Variants in TRIM65 observed in about 807,000 individuals in gnomAD.
TRIM65 encodes tripartite motif containing 65.
In TRIM65, 46 loss-of-function variants were observed where a neutral mutation model predicts 36.1. The observed-to-expected ratio is 1.27, with a 90% CI of 1.01 to 1.63. The LOEUF is 1.63. TRIM65 is among the 40% of genes most tolerant of loss of function. TRIM65 has a pLI of 0.00. For missense variants in TRIM65, 708 were observed against 696.6 expected (o/e 1.02, Z -0.18); for synonymous variants, 346 against 313.6 (o/e 1.10, Z -1.09).
Position 75,892,753 on chromosome 17 carries a change from A to G in TRIM65, c.510+2T>C. The G allele has an allele frequency of 6.2e-7, 1 of 1,602,980 alleles. No homozygotes were observed. Among genetic ancestry groups the G allele is most frequent in the Non-Finnish European group, 8.5e-7 (1 of 1,179,664 alleles). ...GTGGGCGGGCAGGCACAGGCCTCGT[A>G]CCTGGATCTGGCTGCTTTGCTTGCG... On this transcript the variant is annotated splice_donor_variant, in intron 2 of 5. Coordinates refer to ENST00000269383, the MANE Select transcript of TRIM65 (RefSeq NM_173547.4). LOFTEE classifies it high-confidence loss of function.
chr17:75,880,027 T>C (rs1422037523), downstream of TRIM65, among the ~76,000 whole-genome samples: 1 of 150,964 alleles, frequency 6.6e-6, no homozygotes, highest in Non-Finnish European at 1.5e-5. Flanking sequence ...GTGCTGGGAT[T>C]ACAGACATGA....
intron 1 of TRIM65, among the ~76,000 whole-genome samples, chr17:75,895,930 G>A (rs1239750370): frequency 6.6e-6 from 1 of 152,174 alleles, no homozygotes; most frequent in Admixed American, 6.5e-5. Context: ...GCTTGGGCAC[G>A]GAGCAGGGAG....
Position 75,892,052 on chromosome 17 carries a change from T to A in TRIM65, c.878A>T (p.His293Leu). ...LCGLLLEEGS[H>L]PGAPAKPVDL... ...CACAGGCTTGGCTGGTGCCCCAGGG[T>A]GGCTCCCCTCTTCCAAGAGGAGGCC... Residue 293 changes from histidine (H) to leucine (L), a missense_variant, in exon 4 of 6, where the codon CAC (histidine) becomes CTC (leucine). Transcript: ENST00000269383. The A allele has an allele frequency of 6.5e-7, 1 of 1,545,228 alleles. No individual in the cohort carries two copies. Among genetic ancestry groups the A allele is most frequent in the East Asian group, 2.4e-5 (1 of 40,906 alleles).
At chr17:75,891,472 G>A (rs562877228) in intron 5 of TRIM65, 125 bp from the exon 6 acceptor site, 44 of 1,036,484 alleles carry the variant, frequency 4.2e-5, no homozygotes, top group South Asian at 3.6e-4. Flanking sequence ...CTTAATCCTC[G>A]CCACGACCTC....
intron 4 of TRIM65, among the ~76,000 whole-genome samples, chr17:75,881,943 T>C (rs1460775130): frequency 1.3e-5 from 2 of 150,266 alleles, no homozygotes; most frequent in Non-Finnish European, 2.9e-5. Flanking sequence ...TGATCAGGAC[T>C]ATCACTTGTT....
Position 75,892,860 on chromosome 17 carries a change from G to C in TRIM65, c.415-10C>G, listed in dbSNP as rs549448381. 1 of 1,599,256 alleles carries C rather than the reference G, an allele frequency of 6.3e-7. No individual in the cohort carries two copies. The highest frequency in any genetic ancestry group is 1.3e-5 in the African/African-American group (1 of 75,018). On this transcript the variant is annotated splice_polypyrimidine_tract_variant and intron_variant, in intron 1 of 5. Coordinates refer to ENST00000269383, the MANE Select transcript of TRIM65 (RefSeq NM_173547.4). ...TGGCTCTCAGCTGGGCCTGTGGTGC[G>C]GGCCCACGGGACAAGCAACAAGAGA...
chr17:75,896,705 G>C lies in TRIM65; in HGVS notation c.233C>G (p.Ala78Gly). The C allele has an allele frequency of 2.2e-6, 3 of 1,346,602 alleles. No homozygotes were observed. The highest frequency in any genetic ancestry group is 2.9e-6 in the Non-Finnish European group (3 of 1,052,598). The allele number at this position is 1,346,602 out of a possible 1,614,324, so 83.4% of individuals were successfully genotyped here. Reference protein sequence around the residue: ...GVLEVVRAGPARDPGPDPGPG... With the variant: ...GVLEVVRAGPGRDPGPDPGPG... ...GCCGGGATCGGGGCCGGGATCCCGGGCGGGCCCGGCGCGCACCACCTCCAG... is the reference window on the plus strand; with the variant it reads ...GCCGGGATCGGGGCCGGGATCCCGGCCGGGCCCGGCGCGCACCACCTCCAG... Residue 78 changes from alanine to glycine, a missense_variant, in exon 1 of 6, where the codon GCC becomes GGC. By Grantham distance (60) the Ala-to-Gly change is moderately conservative. Transcript: ENST00000269383.
exon 5 of TRIM65, chr17:75,880,561 A>G (rs1042929408): frequency 1.3e-5 from 2 of 150,602 alleles, no homozygotes; most frequent in Non-Finnish European, 2.9e-5. Flanking sequence ...CTATTTCCAA[A>G]TAAGGTCACA....
chr17:75,880,916 T>C (rs896782600), intron 4 of TRIM65, among the ~76,000 whole-genome samples: 5 of 150,312 alleles, frequency 3.3e-5, no homozygotes, highest in African/African-American at 1.3e-4. Context: ...AGGCACTTCA[T>C]GAGTTCAGAG....
rs34593741 is a variant in TRIM65, at chr17:75,891,243, C to T, written c.1090G>A (p.Gly364Arg). ...TGCCAGAGCTCAAAGCTGCCGGGCC[C>T]GCCTGGGCCCCGGGACTGACGACAG... ...KHCRQSRGPG[G>R]PGSFELWQVQ... Residue 364 changes from glycine (G) to arginine (R), a missense_variant, in exon 6 of 6, where the codon GGG becomes AGG. Transcript: ENST00000269383. 7,310 of 1,612,768 alleles carry T rather than the reference C, an allele frequency of 4.5e-3. 251 individuals carry two copies. The African/African-American group carries it at 0.078, about 17-fold the overall frequency.
chr17:75,896,383 G>A, intron 1 of TRIM65, 141 bp downstream of exon 1: 1 of 1,187,790 alleles, frequency 8.4e-7, no homozygotes, highest in East Asian at 3.4e-5. Context: ...TCAGCTCCCA[G>A]GTTGGGAGAA....
intron 4 of TRIM65, among the ~76,000 whole-genome samples, chr17:75,882,774 G>C (rs2065176354): frequency 6.6e-6 from 1 of 150,508 alleles, no homozygotes; most frequent in African/African-American, 2.5e-5. Context: ...TCAAGAGGTT[G>C]CAGCTTGAAT....
intron 4 of TRIM65, among the ~76,000 whole-genome samples, chr17:75,880,840 C>A (rs931863900): frequency 1.3e-5 from 2 of 150,456 alleles, no homozygotes; most frequent in African/African-American, 2.5e-5. Context: ...GTTTCCCCAG[C>A]TCTCTAGGCT....
chr17:75,893,748 G>C (rs543176884), intron 1 of TRIM65, among the ~76,000 whole-genome samples: 1 of 152,040 alleles, frequency 6.6e-6, no homozygotes, highest in East Asian at 1.9e-4. Context: ...ACAGGAGGCC[G>C]GAGGGCAGGC....
chr17:75,893,478 T>C (rs901850072), intron 1 of TRIM65, among the ~76,000 whole-genome samples: 2 of 152,046 alleles, frequency 1.3e-5, no homozygotes, highest in Non-Finnish European at 2.9e-5. Context: ...CTGAGTCCCT[T>C]GGGAATCAAA....
At chr17:75,892,709 G>C in intron 2 of TRIM65, 46 bp downstream of exon 2, 1 of 1,554,744 alleles carries the variant, frequency 6.4e-7, no homozygotes, top group Non-Finnish European at 8.8e-7. Context: ...GCCGCCCCAG[G>C]ATGCAGTGTG....
downstream of TRIM65, among the ~76,000 whole-genome samples, chr17:75,887,269 G>A (rs1276657276): frequency 2.6e-5 from 4 of 151,610 alleles, no homozygotes; most frequent in Admixed American, 2.6e-4. Flanking sequence ...CAGATGACAT[G>A]GGTCAGGAGT....
At chr17:75,891,900 A>AGGGAATGG (rs1282826126) in intron 4 of TRIM65, 22 bp from the exon 5 acceptor site, 1 of 1,604,746 alleles carries the variant, frequency 6.2e-7, no homozygotes, top group South Asian at 1.1e-5. Context: ...AGCAGTGTTA[A>AGGGAATGG]GGGAATGGTT....
chr17:75,890,793 C>T lies in TRIM65; in HGVS notation c.1540G>A (p.Glu514Lys), dbSNP rs1021475477. ...GAVFPLGPQEEVLS is the reference protein window; with the variant it reads ...GAVFPLGPQEKVLS ...CCATGCCTTCTTCAGCTGAGCACCT[C>T]TTCCTGGGGCCCCAGAGGGAACACA... Residue 514 changes from glutamate (E) to lysine (K), a missense_variant, in exon 6 of 6, where the codon GAG becomes AAG. Physicochemically the swap from Glu to Lys is moderately conservative, Grantham distance 56 (BLOSUM62 1). Coordinates refer to ENST00000269383, the MANE Select transcript of TRIM65 (RefSeq NM_173547.4). The T allele has an allele frequency of 2.0e-6, 3 of 1,486,264 alleles. No homozygotes were observed. The highest frequency in any genetic ancestry group is 2.7e-6 in the Non-Finnish European group (3 of 1,119,530). 92.1% of individuals were successfully genotyped at this position (1,486,264 alleles called of 1,614,324 possible).
Sources: allele counts gnomAD v4.1 joint callset (sites outside exome capture counted in the v4.1 genomes callset), GRCh38; gene constraint gnomAD v4.1.1; transcripts MANE v1.5; gene names NCBI Gene and HGNC (gene_info 2026-07-23, HGNC 2026-07-21).